TTYH1: variants seen among roughly 807,000 people sequenced by gnomAD.
TTYH1 encodes the protein tweety family member 1, also known as protein tweety homolog 1.
In TTYH1, 33 loss-of-function variants were observed where a neutral mutation model predicts 61.2. The ratio of observed to expected loss-of-function variants is 0.54; its 90% CI spans 0.41 to 0.72. The LOEUF (loss-of-function observed/expected upper bound fraction) is 0.72. Ranked by LOEUF, TTYH1 falls within the 30% of genes least tolerant of loss-of-function variation. The pLI is 0.00. For synonymous variants in TTYH1, 308 were observed against 266.4 expected, an observed-to-expected ratio of 1.16 and a Z score of -1.52; for missense variants, 538 against 575.8, an observed-to-expected ratio of 0.93 and a Z score of 0.67.
At chr19:54,417,579 CAT>C (rs1314397299) in intron 1 of TTYH1, among the ~76,000 whole-genome samples, 10 of 152,164 alleles carry the variant, frequency 6.6e-5, no homozygotes, top group Non-Finnish European at 1.3e-4. Flanking sequence ...ACAACACACA[CAT>C]ACACATGTAT....
chr19:54,430,958 G>A, intron 9 of TTYH1, 53 bp downstream of exon 9: 1 of 1,590,906 alleles, frequency 6.3e-7, no homozygotes, highest in Non-Finnish European at 8.6e-7. Flanking sequence ...AAGGCGGACG[G>A]GGCGGGATGG....
At chr19:54,432,871 T>C (rs2083469761) in intron 10 of TTYH1, 1 of 152,236 alleles carries the variant, frequency 6.6e-6, no homozygotes, top group African/African-American at 2.4e-5. Context: ...CGCCATCGCA[T>C]GGATCTGAGC....
In TTYH1 at chr19:54,416,212, A is replaced by G; in HGVS notation, c.126+534A>G. 2.0e-6 allele frequency: 1 copy of G among 492,114 alleles called. No individual in the cohort carries two copies. The highest frequency in any genetic ancestry group is 1.9e-5 in the South Asian group (1 of 54,032). The allele number at this position is 492,114 out of a possible 1,614,324, so 30.5% of individuals were successfully genotyped here. ...TTCAGGGGCTGAGGACCAGGGCTGG[A>G]AAATGAAGGGGCTCTGGGAGAGGAA... is the stretch of plus-strand genomic sequence containing the variant. On this transcript the variant is annotated intron_variant, in intron 1 of 13. Transcript: ENST00000376530. This position sits in a 1 kb window ranked among gnomAD's most constrained non-coding sequence, Gnocchi z 7.0.
In TTYH1 at chr19:54,424,053, T is replaced by C. The variant is rs543333709; in HGVS notation, c.638+1643T>C. 2.5e-4 allele frequency among the ~76,000 whole-genome samples: 38 copies of C among 151,812 alleles called. 1 individual carries two copies. The highest frequency in any genetic ancestry group is 2.4e-3 in the Admixed American group (37 of 15,238). ...GTGGGCGCCTGTAGTCCCAGCTACT[T>C]GGGAGGCTGAGACAGGAGAATCGCT... On this transcript the variant is annotated intron_variant, in intron 4 of 13. Transcript: ENST00000376530.
rs756626520 is a variant in TTYH1, at chr19:54,419,223, C to G, written c.222C>G (p.Pro74=). 2 of 1,610,038 alleles carry G rather than the reference C, an allele frequency of 1.2e-6. No individual in the cohort carries two copies. Among genetic ancestry groups the G allele is most frequent in the African/African-American group, 1.3e-5 (1 of 74,934 alleles). The change falls in exon 2 of 14, where the codon CCC becomes CCG. Residue 74 remains proline (P), a synonymous_variant. Coordinates refer to ENST00000376530, the MANE Select transcript of TTYH1 (RefSeq NM_020659.4). The surrounding 1 kb of genome is among the most constrained non-coding windows in gnomAD (Gnocchi z 6.1). ...VYLIRFCCCR[P]PEPPGSKIPS... is the part of the protein sequence containing the mutation. ...TCATCCGCTTCTGCTGCTGCCGGCC[C>G]CCCGAGCCCCCCGGGTCCAAGATCC...
chr19:54,430,424 G>T, intron 7 of TTYH1, 126 bp from the exon 8 acceptor site: 1 of 1,018,710 alleles, frequency 9.8e-7, no homozygotes, highest in Non-Finnish European at 1.5e-6. Context: ...TGAAGGTAAG[G>T]CCATCGGGCT....
chr19:54,426,617 C>T (rs776607392), intron 4 of TTYH1, 56 bp from the exon 5 acceptor site: 103 of 1,434,676 alleles, frequency 7.2e-5, no homozygotes, highest in South Asian at 4.4e-4. Context: ...GTTGCTGTTC[C>T]GCCGGGGTGC....
At chr19:54,423,514 C>T (rs1370606300) in intron 4 of TTYH1, among the ~76,000 whole-genome samples, 1 of 152,208 alleles carries the variant, frequency 6.6e-6, no homozygotes, top group East Asian at 1.9e-4. Context: ...AGCGTACCTA[C>T]AGATCAGGAA....
chr19:54,420,406 G>C lies in TTYH1; in HGVS notation c.306-871G>C, dbSNP rs2083186813. The stretch of plus-strand genomic sequence containing the variant: ...GACACGGCCCCAGCCCCCGCAGCCT[G>C]GGAACAAGAGGAGCTTTGTAGGACT... On this transcript the variant is annotated intron_variant, in intron 2 of 13. Coordinates refer to ENST00000376530, the MANE Select transcript of TTYH1 (RefSeq NM_020659.4). The surrounding 1 kb of genome is among the most constrained non-coding windows in gnomAD (Gnocchi z 4.8). Among the ~76,000 whole-genome samples the C allele has an allele frequency of 6.6e-6, 1 of 152,168 alleles. No individual in the cohort carries two copies. The highest frequency in any genetic ancestry group is 2.4e-5 in the African/African-American group (1 of 41,448).
Position 54,415,841 on chromosome 19 carries a change from T to C in TTYH1, c.126+163T>C. The C allele has an allele frequency of 2.2e-6, 2 of 893,224 alleles. No homozygotes were observed. The highest frequency in any genetic ancestry group is 1.6e-6 in the Non-Finnish European group (1 of 611,920). 55.3% of individuals were successfully genotyped at this position (893,224 alleles called of 1,614,324 possible). A position where few individuals can be genotyped will look rare whatever the true frequency, so the allele number is the denominator to read the frequency against. On this transcript the variant is annotated intron_variant, in intron 1 of 13. Transcript: ENST00000376530. This position sits in a 1 kb window ranked among gnomAD's most constrained non-coding sequence, Gnocchi z 5.2. ...GGGAGGAGGAGCCTGGGGGCGCCCA[T>C]GCCTGGAGGTTCTCCTGGGACGCGC...
At chr19:54,432,468 GGCCA>G (rs1217047404) in intron 10 of TTYH1, 44 of 152,256 alleles carry the variant, frequency 2.9e-4, no homozygotes, top group African/African-American at 1.0e-3. Flanking sequence ...AAGGTCACAC[GGCCA>G]GCCAGCCCAT....
chr19:54,423,035 C>G (rs925689314), intron 4 of TTYH1, among the ~76,000 whole-genome samples: 3 of 151,726 alleles, frequency 2.0e-5, no homozygotes, highest in South Asian at 2.1e-4. Context: ...CCCATTCACT[C>G]ACTCACCCCC....
intron 9 of TTYH1, 68 bp from the exon 10 acceptor site, chr19:54,431,018 TGGGCGGGGACGCA>T: frequency 9.2e-7 from 1 of 1,083,306 alleles, no homozygotes; most frequent in South Asian, 1.3e-5. Context: ...CCTTGGGTTG[TGGGCGGGGACGCA>T]GGGCGGGGCC....
In TTYH1 at chr19:54,416,146, G is replaced by A. The variant is rs879070185; in HGVS notation, c.126+468G>A. The A allele has an allele frequency of 3.5e-6, 4 of 1,133,960 alleles. No homozygotes were observed. The African/African-American group carries it at 6.4e-5, about 18-fold the overall frequency. The allele number at this position is 1,133,960 out of a possible 1,614,324, so 70.2% of individuals were successfully genotyped here. On this transcript the variant is annotated intron_variant, in intron 1 of 13. Coordinates refer to ENST00000376530, the MANE Select transcript of TTYH1 (RefSeq NM_020659.4). The surrounding 1 kb of genome is among the most constrained non-coding windows in gnomAD (Gnocchi z 7.0). The stretch of plus-strand genomic sequence containing the variant: ...GGCGGGGAAAACGCTGGCTGCTGCG[G>A]TGCTGGGATGGGATTGAGAGTCTGA...
intron 4 of TTYH1, among the ~76,000 whole-genome samples, chr19:54,423,390 G>T (rs562594399): frequency 8.9e-4 from 135 of 152,060 alleles, no homozygotes; most frequent in African/African-American, 3.1e-3. Flanking sequence ...TAGAAACGGG[G>T]TTTCACCATG....
rs200251030 is a variant in TTYH1 at position 54,435,660 on chromosome 19, G to A, written c.1244G>A (p.Arg415Gln). The change falls in exon 11 of 14, where the codon CGA becomes CAA. Residue 415 changes from arginine to glutamine, a missense_variant. This residue lies in a region of TTYH1 where 378 missense variants were observed against 401.2 expected (regional missense o/e 0.94). Coordinates refer to ENST00000376530, the MANE Select transcript of TTYH1 (RefSeq NM_020659.4). ...ALATALCSLP[R>Q]AWALFPPSDD... is the part of the protein sequence containing the mutation. ...GCCACTGCCCTCTGCAGCCTGCCCC[G>A]AGCCTGGGCCCTCTTCCCACCCAGG... 1.1e-4 allele frequency: 182 copies of A among 1,610,530 alleles called. No homozygotes were observed. The highest frequency in any genetic ancestry group is 1.5e-4 in the Non-Finnish European group (171 of 1,178,680).
chr19:54,430,472 C>A (rs939212575), intron 7 of TTYH1, 78 bp from the exon 8 acceptor site: 15 of 1,519,622 alleles, frequency 9.9e-6, no homozygotes, highest in African/African-American at 1.4e-5. Flanking sequence ...TGCTAACCCC[C>A]CAGTGCCCGG....
Position 54,429,351 on chromosome 19 carries a change from C to T in TTYH1, c.779C>T (p.Ser260Phe). 1 of 1,614,098 alleles carries T rather than the reference C, an allele frequency of 6.2e-7. No individual in the cohort carries two copies. Among genetic ancestry groups the T allele is most frequent in the Non-Finnish European group, 8.5e-7 (1 of 1,180,028 alleles). ...SLLVLVLSWG[S>F]MGLEAATAVG... The stretch of plus-strand genomic sequence containing the variant: ...CTGGTTCTCGTCCTGAGCTGGGGCT[C>T]CATGGGCCTGGAGGCAGCCACGGCC... The change falls in exon 6 of 14, where the codon TCC becomes TTC. Residue 260 changes from serine to phenylalanine, a missense_variant. Physicochemically the swap from Ser to Phe is radical, Grantham distance 155 (BLOSUM62 -2). Coordinates refer to ENST00000376530, the MANE Select transcript of TTYH1 (RefSeq NM_020659.4). This position sits in a 1 kb window ranked among gnomAD's most constrained non-coding sequence, Gnocchi z 5.1.
intron 1 of TTYH1, among the ~76,000 whole-genome samples, chr19:54,417,856 GC>G (rs2083121309): frequency 6.6e-6 from 1 of 152,054 alleles, no homozygotes; most frequent in Admixed American, 6.5e-5. Flanking sequence ...AAGGAACTGT[GC>G]CCAGAACACA....
Sources: allele counts gnomAD v4.1 joint callset (sites outside exome capture counted in the v4.1 genomes callset), GRCh38; gene constraint gnomAD v4.1.1; regional missense constraint gnomAD v4.1.1; non-coding constraint Gnocchi (gnomAD v3.1); transcripts MANE v1.5; gene names NCBI Gene and HGNC (gene_info 2026-07-23, HGNC 2026-07-21).